Variants in NRK observed in about 807,000 individuals in gnomAD.
The protein encoded by NRK is Nik related kinase.
Under a neutral mutation model 125.2 loss-of-function variants are expected in NRK, and 67 were observed. The observed-to-expected ratio is 0.54, with a 90% confidence interval of 0.44 to 0.66. The LOEUF is 0.66. NRK is among the 30% of genes least tolerant of loss of function. NRK has a pLI of 0.00. For missense variants in NRK, 1,224 were observed against 1,192.9 expected (o/e 1.03, Z -0.38); for synonymous variants, 458 against 429.0 (o/e 1.07, Z -0.84).
intron 19 of NRK, among the ~76,000 whole-genome samples, chrX:105,927,057 A>G (rs191341623): frequency 9.5e-4 from 105 of 110,890 alleles, no homozygotes; most frequent in Non-Finnish European, 1.3e-3. Context: ...TAGAATCTGG[A>G]TATTGCTTGG....
At chrX:105,870,886 A>G (rs1409648722) in intron 2 of NRK, among the ~76,000 whole-genome samples, 1 of 111,733 alleles carries the variant, frequency 8.9e-6, no homozygotes, top group Non-Finnish European at 1.9e-5. Flanking sequence ...CTGTTGGATT[A>G]TTCTGGTGAT....
At chrX:105,939,088 G>C (rs1358992012) in intron 22 of NRK, among the ~76,000 whole-genome samples, 5 of 111,687 alleles carry the variant, frequency 4.5e-5, no homozygotes, top group South Asian at 3.8e-4. Context: ...ATTAAAATTC[G>C]AGACCATATC....
intron 2 of NRK, among the ~76,000 whole-genome samples, chrX:105,847,048 A>T (rs1357200196): frequency 8.9e-6 from 1 of 112,099 alleles, no homozygotes; most frequent in Admixed American, 9.5e-5. Flanking sequence ...GTAATGAGAT[A>T]TCCCTGGCCT....
rs758032990 is a variant in NRK, at chrX:105,909,116, A to G, written c.1475A>G (p.Gln492Arg). The change falls in exon 13 of 29, where the codon CAG becomes CGG. Residue 492 changes from glutamine (Q) to arginine (R), a missense_variant. Gln to Arg is a conservative substitution (Grantham distance 43). Coordinates refer to ENST00000243300, the MANE Select transcript of NRK (RefSeq NM_198465.4). ...CAGGTTAGGGCACCTAGGCTTCTGC[A>G]GGTACAGTCCCAGGTATCCAAAAAG... ...QAQVRAPRLLQVQSQVSKKQQ... is the reference protein window; with the variant it reads ...QAQVRAPRLLRVQSQVSKKQQ... The G allele has an allele frequency of 4.1e-6, 5 of 1,211,481 alleles. No homozygotes were observed. The South Asian group carries it at 8.8e-5, about 21-fold the overall frequency.
chrX:105,844,791 TC>T (rs2039379707), intron 2 of NRK, among the ~76,000 whole-genome samples: 1 of 112,020 alleles, frequency 8.9e-6, no homozygotes, highest in Non-Finnish European at 1.9e-5. Flanking sequence ...GTAGCTATTT[TC>T]ATAATTCCAT....
intron 2 of NRK, among the ~76,000 whole-genome samples, chrX:105,875,489 T>C (rs2039802559): frequency 1.8e-5 from 2 of 111,410 alleles, no homozygotes; most frequent in Non-Finnish European, 3.8e-5. Flanking sequence ...GACAAATTAA[T>C]GTGTCCTTCT....
intron 21 of NRK, among the ~76,000 whole-genome samples, chrX:105,936,213 T>C (rs1038029638): frequency 1.8e-5 from 2 of 111,493 alleles, no homozygotes; most frequent in African/African-American, 6.5e-5. Flanking sequence ...GACAGGGTTT[T>C]AAATTAAAAA....
chrX:105,923,244 C>T lies in NRK; in HGVS notation c.2737C>T (p.Pro913Ser). ...GTTAACTCCGGCACCTGTCATTCAG[C>T]CACCTGAAGAGGATGGTGATTATGT... Reference protein sequence around the residue: ...DWLTPAPVIQPPEEDGDYVEL... With the variant: ...DWLTPAPVIQSPEEDGDYVEL... The change falls in exon 18 of 29, where the codon CCA becomes TCA. Residue 913 changes from proline to serine, a missense_variant. Transcript: ENST00000243300. The T allele has an allele frequency of 5.8e-6, 7 of 1,208,728 alleles. No homozygotes were observed. The highest frequency in any genetic ancestry group is 7.8e-6 in the Non-Finnish European group (7 of 893,354).
At chrX:105,939,575 G>A (rs1322612946) in intron 22 of NRK, among the ~76,000 whole-genome samples, 2 of 110,830 alleles carry the variant, frequency 1.8e-5, no homozygotes, top group Admixed American at 9.7e-5. Context: ...ACAAATGAAT[G>A]GATGGTAATT....
intron 2 of NRK, among the ~76,000 whole-genome samples, chrX:105,872,533 T>C (rs192845329): frequency 9.0e-6 from 1 of 110,990 alleles, no homozygotes; most frequent in African/African-American, 3.3e-5. Context: ...TTCCCTTATA[T>C]GTCCCCAAAC....
At chrX:105,954,643 G>A (rs763710821) in intron 28 of NRK, among the ~76,000 whole-genome samples, 1 of 111,042 alleles carries the variant, frequency 9.0e-6, no homozygotes, top group South Asian at 3.8e-4. Context: ...CACACCTAGT[G>A]TATCTTATCA....
chrX:105,878,642 G>A (rs780078014), intron 2 of NRK, among the ~76,000 whole-genome samples: 46 of 90,137 alleles, frequency 5.1e-4, no homozygotes, highest in African/African-American at 1.8e-3. Flanking sequence ...AAACAGACAG[G>A]TCTTGATCTT....
In NRK at chrX:105,923,205, T is replaced by A; in HGVS notation, c.2698T>A (p.Phe900Ile). ...AGGCTATAATGCACTCTCTGAAATCTTCCGGAATGATTGGTTAACTCCGGC... is the reference window on the plus strand; with the variant it reads ...AGGCTATAATGCACTCTCTGAAATCATCCGGAATGATTGGTTAACTCCGGC... ...WVGYNALSEI[F>I]RNDWLTPAPV... The change falls in exon 18 of 29, where the codon TTC becomes ATC. Residue 900 changes from phenylalanine (F) to isoleucine (I), a missense_variant. Physicochemically the swap from Phe to Ile is conservative, Grantham distance 21 (BLOSUM62 0). Transcript: ENST00000243300. The A allele has an allele frequency of 2.5e-6, 3 of 1,209,315 alleles. No homozygotes were observed. Among genetic ancestry groups the A allele is most frequent in the Non-Finnish European group, 3.4e-6 (3 of 893,720 alleles).
chrX:105,928,362 T>C (rs2040551594), intron 19 of NRK, among the ~76,000 whole-genome samples: 1 of 111,337 alleles, frequency 9.0e-6, no homozygotes, highest in Admixed American at 9.6e-5. Flanking sequence ...CTGATTTTAT[T>C]TGGGTCTTTT....
intron 16 of NRK, among the ~76,000 whole-genome samples, chrX:105,919,132 G>T (rs1208473129): frequency 9.1e-6 from 1 of 110,402 alleles, no homozygotes; most frequent in Non-Finnish European, 1.9e-5. Context: ...TTTGGAGTTG[G>T]AGTATCTATA....
chrX:105,852,890 C>T (rs904627390), intron 2 of NRK, among the ~76,000 whole-genome samples: 2 of 111,738 alleles, frequency 1.8e-5, no homozygotes, highest in African/African-American at 6.5e-5. Flanking sequence ...TCTTAACAGT[C>T]TTGATGGCAA....
intron 2 of NRK, among the ~76,000 whole-genome samples, chrX:105,854,299 G>C (rs2147670206): frequency 9.0e-6 from 1 of 111,729 alleles, no homozygotes; most frequent in East Asian, 2.8e-4. Flanking sequence ...AGCCAACTTG[G>C]TCAATTTAAT....
intron 2 of NRK, among the ~76,000 whole-genome samples, chrX:105,846,685 C>T (rs953047283): frequency 1.8e-5 from 2 of 111,284 alleles, no homozygotes; most frequent in Non-Finnish European, 3.8e-5. Flanking sequence ...CATCTCTCAG[C>T]CCTCGGGAAC....
chrX:105,921,622 T>C (rs956696796), intron 16 of NRK, among the ~76,000 whole-genome samples: 3 of 109,971 alleles, frequency 2.7e-5, no homozygotes, highest in Non-Finnish European at 5.7e-5. Flanking sequence ...CTTCCTACTC[T>C]TGATACATTT....
Sources: gnomAD v4.1 joint callset for allele counts (sites outside exome capture counted in the v4.1 genomes callset) on GRCh38, gnomAD v4.1.1 for gene constraint, MANE v1.5 for transcripts, NCBI Gene and HGNC (gene_info 2026-07-23, HGNC 2026-07-21) for gene names.